The following SGCZ variants were observed in gnomAD, a reference collection of about 807,000 sequenced individuals.
The protein encoded by SGCZ is zeta-sarcoglycan.
In SGCZ, 40 loss-of-function variants were observed where a neutral mutation model predicts 41.3. That is an observed-to-expected ratio of 0.97 (90% CI 0.75 to 1.26). The LOEUF (loss-of-function observed/expected upper bound fraction) is 1.26, where lower values mean the gene tolerates loss of function less well. Ranked by LOEUF, SGCZ falls within the 50% of genes most tolerant of loss-of-function variation. The pLI is 0.00. For synonymous variants in SGCZ, 206 were observed against 137.5 expected (o/e 1.50, Z -3.49); for missense variants, 552 against 369.8 (o/e 1.49, Z -4.04).
At chr8:15,094,551 C>T (rs1173090508) in intron 1 of SGCZ, among the ~76,000 whole-genome samples, 1 of 152,086 alleles carries the variant, frequency 6.6e-6, no homozygotes, top group African/African-American at 2.4e-5. Flanking sequence ...TTCTATAGTA[C>T]TAAAGTCCTG....
intron 1 of SGCZ, among the ~76,000 whole-genome samples, chr8:14,910,497 T>C (rs1046951002): frequency 6.6e-6 from 1 of 151,950 alleles, no homozygotes; most frequent in Non-Finnish European, 1.5e-5. Flanking sequence ...TTTTTTTAAA[T>C]GTACATAAAC....
At chr8:14,891,438 T>C (rs911034042) in intron 1 of SGCZ, among the ~76,000 whole-genome samples, 5 of 152,176 alleles carry the variant, frequency 3.3e-5, no homozygotes, top group Admixed American at 1.3e-4. Flanking sequence ...ATAACTAGAA[T>C]TAGAAGTAGA....
intron 2 of SGCZ, among the ~76,000 whole-genome samples, chr8:14,500,968 T>G (rs977342183): frequency 2.0e-5 from 3 of 151,742 alleles, no homozygotes; most frequent in African/African-American, 7.3e-5. Flanking sequence ...AAAAAAAAAT[T>G]ACAACAAACT....
intron 2 of SGCZ, among the ~76,000 whole-genome samples, chr8:14,497,980 A>G (rs1802041331): frequency 6.6e-6 from 1 of 152,164 alleles, no homozygotes; most frequent in Non-Finnish European, 1.5e-5. Flanking sequence ...TCATCACACA[A>G]TATCATCTAT....
rs1799923074 is a variant in SGCZ at position 14,430,816 on chromosome 8, C to T, written c.235-106612G>A. Reference sequence around the variant, plus strand: ...AAACCCCAAAGACTCCTCCGTAAAGCTCCTAGAACTTACGTAAGAATTCAG... The same window carrying T: ...AAACCCCAAAGACTCCTCCGTAAAGTTCCTAGAACTTACGTAAGAATTCAG... On this transcript the variant is annotated intron_variant, in intron 2 of 7. Transcript: ENST00000382080. 4.6e-5 allele frequency among the ~76,000 whole-genome samples: 7 copies of T among 152,166 alleles called. No homozygotes were observed. The South Asian group carries it at 1.4e-3, about 31-fold the overall frequency.
intron 5 of SGCZ, among the ~76,000 whole-genome samples, chr8:14,109,458 T>C (rs907675654): frequency 9.9e-5 from 15 of 152,206 alleles, no homozygotes; most frequent in African/African-American, 3.6e-4. Flanking sequence ...TTGATGATTT[T>C]GTTTTCTGGT....
intron 2 of SGCZ, among the ~76,000 whole-genome samples, chr8:14,381,508 C>T (rs1804362838): frequency 6.6e-6 from 1 of 152,076 alleles, no homozygotes; most frequent in Non-Finnish European, 1.5e-5. Flanking sequence ...GGCACGGTGA[C>T]TCATGCCTAT....
At chr8:14,961,062 T>A (rs1006664387) in intron 1 of SGCZ, among the ~76,000 whole-genome samples, 5 of 152,124 alleles carry the variant, frequency 3.3e-5, no homozygotes, top group African/African-American at 1.2e-4. Flanking sequence ...GCTTAGCATT[T>A]TAACTCTAAA....
At chr8:15,070,880 C>T (rs530788615) in intron 1 of SGCZ, among the ~76,000 whole-genome samples, 7 of 152,178 alleles carry the variant, frequency 4.6e-5, no homozygotes, top group South Asian at 2.1e-4. Flanking sequence ...GTGTTCATCT[C>T]GGATCTGCCA....
chr8:14,283,453 C>T (rs17118964), intron 3 of SGCZ, among the ~76,000 whole-genome samples: 32,449 of 151,878 alleles, frequency 0.21, 3,674 homozygotes, highest in East Asian at 0.3. Flanking sequence ...AGAAAAATGT[C>T]ATTATCCGTA....
intron 2 of SGCZ, among the ~76,000 whole-genome samples, chr8:14,403,332 T>A (rs1028850529): frequency 6.6e-6 from 1 of 150,708 alleles, no homozygotes; most frequent in Non-Finnish European, 1.5e-5. Flanking sequence ...CTATCTTGAA[T>A]AGGAGTGGTG....
intron 2 of SGCZ, among the ~76,000 whole-genome samples, chr8:14,466,049 C>G (rs1323073330): frequency 6.6e-6 from 1 of 151,924 alleles, no homozygotes; most frequent in Non-Finnish European, 1.5e-5. Flanking sequence ...TTTATCTTTA[C>G]TGATATCTTT....
intron 1 of SGCZ, among the ~76,000 whole-genome samples, chr8:14,914,167 A>G (rs1005126969): frequency 6.6e-6 from 1 of 151,908 alleles, no homozygotes; most frequent in Admixed American, 6.6e-5. Flanking sequence ...GCAACCATAT[A>G]TATCTCTATA....
At chr8:14,514,793 G>A (rs1161669665) in intron 2 of SGCZ, among the ~76,000 whole-genome samples, 5 of 75,830 alleles carry the variant, frequency 6.6e-5, no homozygotes, top group Admixed American at 3.0e-4. Context: ...ATGTGTGTGT[G>A]TGTGTGTGTG....
At chr8:14,682,998 G>T (rs757104531) in intron 1 of SGCZ, among the ~76,000 whole-genome samples, 1 of 152,134 alleles carries the variant, frequency 6.6e-6, no homozygotes, top group Non-Finnish European at 1.5e-5. Context: ...AAGATGACCA[G>T]ATAACGCCAT....
rs562638506 is a variant in SGCZ at position 14,541,458 on chromosome 8, G to A, written c.234+13274C>T. On this transcript the variant is annotated intron_variant, in intron 2 of 7. Coordinates refer to ENST00000382080, the MANE Select transcript of SGCZ (RefSeq NM_139167.4). The stretch of plus-strand genomic sequence containing the variant: ...AGCTTCCAGCTTCACCCATGTCCCC[G>A]CAAAGGACATGAACTCATTCTTTTT... Among the ~76,000 whole-genome samples, 17 of 152,072 alleles carry A rather than the reference G, an allele frequency of 1.1e-4. 1 individual carries two copies. The highest frequency in any genetic ancestry group is 7.8e-4 in the East Asian group (4 of 5,160).
At chr8:14,906,976 T>G (rs1799136039) in intron 1 of SGCZ, among the ~76,000 whole-genome samples, 1 of 152,232 alleles carries the variant, frequency 6.6e-6, no homozygotes, top group African/African-American at 2.4e-5. Context: ...AGAGAATTTA[T>G]AACAATTCAA....
At chr8:14,246,373 A>C (rs923296991) in intron 3 of SGCZ, among the ~76,000 whole-genome samples, 1 of 151,456 alleles carries the variant, frequency 6.6e-6, no homozygotes, top group Non-Finnish European at 1.5e-5. Flanking sequence ...GCATGTTCTC[A>C]CTCATAGGTG....
intron 1 of SGCZ, among the ~76,000 whole-genome samples, chr8:14,991,140 G>A (rs74358053): frequency 0.017 from 2,541 of 152,064 alleles, 32 homozygotes; most frequent in Admixed American, 0.025. Context: ...GTTGTTATCC[G>A]TCATTTTTGT....
Sources: gnomAD v4.1 joint callset for allele counts (sites outside exome capture counted in the v4.1 genomes callset) on GRCh38, gnomAD v4.1.1 for gene constraint, MANE v1.5 for transcripts, NCBI Gene and HGNC (gene_info 2026-07-23, HGNC 2026-07-21) for gene names.